The following MPPED2 variants were observed in gnomAD, a reference collection of about 807,000 sequenced individuals.
MPPED2 encodes the protein metallophosphoesterase domain containing 2, also known as metallophosphoesterase MPPED2.
A neutral mutation model predicts 33.0 loss-of-function variants in MPPED2; 5 were observed. The ratio of observed to expected loss-of-function variants is 0.15; its 90% CI spans 0.08 to 0.32. The LOEUF (loss-of-function observed/expected upper bound fraction) is 0.32. MPPED2 is among the 10% of genes least tolerant of loss of function. The probability of loss-of-function intolerance (pLI) is 1.00; values close to 1 mark genes in which losing one functional copy is unlikely to be tolerated. For missense variants in MPPED2, 275 were observed against 372.1 expected, an observed-to-expected ratio of 0.74 and a Z score of 2.15; for synonymous variants, 136 against 141.9, an observed-to-expected ratio of 0.96 and a Z score of 0.29.
chr11:30,581,180 C>T (rs958457680), intron 1 of MPPED2, among the ~76,000 whole-genome samples: 2 of 152,152 alleles, frequency 1.3e-5, no homozygotes, highest in Admixed American at 1.3e-4. Flanking sequence ...CCAAACACCT[C>T]CAGGTCTGGA....
At chr11:30,551,206 C>G (rs1239605232) in intron 2 of MPPED2, among the ~76,000 whole-genome samples, 1 of 152,208 alleles carries the variant, frequency 6.6e-6, no homozygotes. Context: ...TCAATGAACA[C>G]TATTCCCACG....
chr11:30,572,854 T>G (rs186542758), intron 2 of MPPED2, among the ~76,000 whole-genome samples: 1 of 152,300 alleles, frequency 6.6e-6, no homozygotes, highest in East Asian at 1.9e-4. Context: ...ATGTGGGATT[T>G]GTGTTCTTAA....
chr11:30,470,226 T>C (rs1950890546), intron 4 of MPPED2, among the ~76,000 whole-genome samples: 1 of 152,108 alleles, frequency 6.6e-6, no homozygotes, highest in African/African-American at 2.4e-5. Context: ...AAACCTCCCT[T>C]CACTTGTCCC....
At chr11:30,541,205 T>A (rs147170253) in intron 2 of MPPED2, among the ~76,000 whole-genome samples, 1 of 152,226 alleles carries the variant, frequency 6.6e-6, no homozygotes, top group African/African-American at 2.4e-5. Flanking sequence ...TGCTTACATA[T>A]CTCACTGCAT....
intron 4 of MPPED2, among the ~76,000 whole-genome samples, chr11:30,442,888 C>A (rs1949644225): frequency 6.6e-6 from 1 of 152,104 alleles, no homozygotes; most frequent in Admixed American, 6.6e-5. Context: ...GTGGCTTGAG[C>A]CTGTAGCTCC....
intron 5 of MPPED2, among the ~76,000 whole-genome samples, chr11:30,414,950 A>G (rs1254740466): frequency 6.6e-6 from 1 of 152,130 alleles, no homozygotes; most frequent in African/African-American, 2.4e-5. Flanking sequence ...CTACTTTTAA[A>G]GTAAAAGCCA....
chr11:30,389,263 C>G (rs185284892), intron 6 of MPPED2, among the ~76,000 whole-genome samples: 13 of 152,314 alleles, frequency 8.5e-5, no homozygotes, highest in African/African-American at 2.9e-4. Context: ...GGAGCCTTGA[C>G]TGAGGTTGGG....
chr11:30,484,702 C>T lies in MPPED2; in HGVS notation c.536+10594G>A, dbSNP rs76378478. 5.8e-3 allele frequency among the ~76,000 whole-genome samples: 887 copies of T among 152,298 alleles called. 5 individuals carry two copies. Among genetic ancestry groups the T allele is most frequent in the Non-Finnish European group, 9.5e-3 (649 of 68,030 alleles). ...TGCCCATATGTCTTCATTTAACAGACGTCTATCCACTCTTCCATGCCTTTT... is the reference window on the plus strand; with the variant it reads ...TGCCCATATGTCTTCATTTAACAGATGTCTATCCACTCTTCCATGCCTTTT... On this transcript the variant is annotated intron_variant, in intron 4 of 6. Coordinates refer to ENST00000358117, the MANE Select transcript of MPPED2 (RefSeq NM_001584.3).
At position 30,495,370 on chromosome 11, in the gene MPPED2, G is replaced by A. The variant is rs1412593159; in HGVS notation, c.462C>T (p.Ser154=). The A allele has an allele frequency of 6.2e-7, 1 of 1,614,040 alleles. No homozygotes were observed. Among genetic ancestry groups the A allele is most frequent in the South Asian group, 1.1e-5 (1 of 91,072 alleles). ...GTAAGTAAATACTGTTTGTCAGGAGGGACTGAACATTGTCAAAGTCCTCTG... is the reference window on the plus strand; with the variant it reads ...GTAAGTAAATACTGTTTGTCAGGAGAGACTGAACATTGTCAAAGTCCTCTG... ...LKPEDFDNVQ[S]LLTNSIYLQD... The change falls in exon 4 of 7, where the codon TCC becomes TCT. Residue 154 remains serine (S), a synonymous_variant. Coordinates refer to ENST00000358117, the MANE Select transcript of MPPED2 (RefSeq NM_001584.3).
At chr11:30,390,736 A>T (rs1947762728) in intron 6 of MPPED2, among the ~76,000 whole-genome samples, 1 of 152,198 alleles carries the variant, frequency 6.6e-6, no homozygotes, top group African/African-American at 2.4e-5. Flanking sequence ...TTGCTGTGCC[A>T]GTTTTGCCTG....
chr11:30,507,465 T>G (rs1168895828), intron 3 of MPPED2, among the ~76,000 whole-genome samples: 4 of 152,212 alleles, frequency 2.6e-5, no homozygotes, highest in African/African-American at 9.7e-5. Flanking sequence ...GACAGGAAGC[T>G]GCATAGAGCA....
At chr11:30,494,450 A>G (rs1301577047) in intron 4 of MPPED2, among the ~76,000 whole-genome samples, 1 of 152,096 alleles carries the variant, frequency 6.6e-6, no homozygotes, top group Non-Finnish European at 1.5e-5. Context: ...AAAATATTAG[A>G]AAAAGGGCCA....
chr11:30,427,755 G>A (rs1565057355), intron 4 of MPPED2, among the ~76,000 whole-genome samples: 1 of 152,206 alleles, frequency 6.6e-6, no homozygotes, highest in Non-Finnish European at 1.5e-5. Flanking sequence ...ATGCCTAATG[G>A]TTAGGTTATC....
chr11:30,388,851 A>T (rs1422425409), exon 7 of MPPED2: 3 of 1,523,508 alleles, frequency 2.0e-6, no homozygotes, highest in African/African-American at 1.4e-5. Context: ...AATTCATCAG[A>T]TCATCAATTA....
chr11:30,578,443 AAG>A (rs1957025402), intron 2 of MPPED2, among the ~76,000 whole-genome samples: 1 of 152,178 alleles, frequency 6.6e-6, no homozygotes, highest in African/African-American at 2.4e-5. Context: ...TTTTTTTCAA[AAG>A]AGGTATAATT....
intron 4 of MPPED2, among the ~76,000 whole-genome samples, chr11:30,478,032 G>A (rs1038649150): frequency 6.6e-6 from 1 of 151,960 alleles, no homozygotes; most frequent in East Asian, 1.9e-4. Context: ...AAGAGTATGG[G>A]CTGTCTGTCA....
At chr11:30,461,546 G>A (rs1257534476) in intron 4 of MPPED2, among the ~76,000 whole-genome samples, 4 of 152,110 alleles carry the variant, frequency 2.6e-5, no homozygotes, top group Admixed American at 1.3e-4. Flanking sequence ...CGTAGCTGCT[G>A]TGACTCAAAC....
At chr11:30,406,143 A>C (rs2133716248), downstream of MPPED2, among the ~76,000 whole-genome samples, 1 of 152,294 alleles carries the variant, frequency 6.6e-6, no homozygotes, top group South Asian at 2.1e-4. Flanking sequence ...GGTTGAAGAA[A>C]AGGAAAATGA....
chr11:30,580,316 A>C lies in MPPED2; in HGVS notation c.58T>G (p.Ser20Ala). Residue 20 changes from serine to alanine, a missense_variant, in exon 2 of 7, where the codon TCA becomes GCA. Physicochemically the swap from Ser to Ala is moderately conservative, Grantham distance 99. Coordinates refer to ENST00000358117, the MANE Select transcript of MPPED2 (RefSeq NM_001584.3). ...TGCGTGAATGCCTGGGTGGGGTTTG[A>C]GCTGTACTCATCCACCGTTATGGTA... Reference protein sequence around the residue: ...KVTITVDEYSSNPTQAFTHYN... With the variant: ...KVTITVDEYSANPTQAFTHYN... 2 of 1,613,990 alleles carry C rather than the reference A, an allele frequency of 1.2e-6. No homozygotes were observed. Among genetic ancestry groups the C allele is most frequent in the Non-Finnish European group, 1.7e-6 (2 of 1,179,984 alleles).
Sources: gnomAD v4.1 joint callset for allele counts (sites outside exome capture counted in the v4.1 genomes callset) on GRCh38, gnomAD v4.1.1 for gene constraint, MANE v1.5 for transcripts, NCBI Gene and HGNC (gene_info 2026-07-23, HGNC 2026-07-21) for gene names.